The following FCHSD2 variants were observed in gnomAD, a reference collection of about 807,000 sequenced individuals.
FCHSD2 encodes the protein FCH and double SH3 domains 2.
FCHSD2 carries 38 observed loss-of-function variants against 108.1 expected under a neutral mutation model. That is an observed-to-expected ratio of 0.35 (90% CI 0.27 to 0.46). The LOEUF (loss-of-function observed/expected upper bound fraction) is 0.46. FCHSD2 is among the 20% of genes least tolerant of loss of function. FCHSD2 has a pLI of 1.00. For missense variants in FCHSD2, 751 were observed against 897.8 expected, an observed-to-expected ratio of 0.84 and a Z score of 2.09; for synonymous variants, 279 against 314.7, an observed-to-expected ratio of 0.89 and a Z score of 1.20.
chr11:72,963,795 G>A (rs1442245689), intron 8 of FCHSD2, among the ~76,000 whole-genome samples: 1 of 152,166 alleles, frequency 6.6e-6, no homozygotes, highest in African/African-American at 2.4e-5. Flanking sequence ...TGGAGCTCAG[G>A]CAGTAATGCT....
At chr11:72,941,680 T>C (rs902205824) in intron 8 of FCHSD2, among the ~76,000 whole-genome samples, 2 of 152,170 alleles carry the variant, frequency 1.3e-5, no homozygotes, top group South Asian at 2.1e-4. Context: ...TGTACGTTTG[T>C]TTAAATATAA....
chr11:72,982,225 C>T (rs1289734809), intron 8 of FCHSD2, among the ~76,000 whole-genome samples: 2 of 152,214 alleles, frequency 1.3e-5, no homozygotes, highest in African/African-American at 4.8e-5. Context: ...CTTCAACACT[C>T]TTGTTTTTGC....
At position 72,944,939 on chromosome 11, in the gene FCHSD2, T is replaced by A. The variant is rs183821478; in HGVS notation, c.706-22989A>T. Among the ~76,000 whole-genome samples the A allele has an allele frequency of 2.7e-3, 415 of 152,192 alleles. 2 individuals carry two copies. Among genetic ancestry groups the A allele is most frequent in the African/African-American group, 9.6e-3 (398 of 41,532 alleles). ...TGGAAGAACATTCCATGCTCACGGG[T>A]AGGAAGAATCAATATCGTGAAAATG... is the stretch of plus-strand genomic sequence containing the variant. On this transcript the variant is annotated intron_variant, in intron 8 of 19. Transcript: ENST00000409418.
rs952409315 is a variant in FCHSD2, at chr11:72,995,527, C to A, written c.387+5463G>T. 6.0e-5 allele frequency among the ~76,000 whole-genome samples: 9 copies of A among 150,822 alleles called. 1 individual carries two copies. The highest frequency in any genetic ancestry group is 2.1e-4 in the South Asian group (1 of 4,762). ...GACCACCCTGGGCAACATGGTGAAA[C>A]CTCATCTCTAAAAAAAAAGTACAAA... On this transcript the variant is annotated intron_variant, in intron 5 of 19. Coordinates refer to ENST00000409418, the MANE Select transcript of FCHSD2 (RefSeq NM_014824.3).
At chr11:73,038,051 T>C (rs1858541913) in intron 3 of FCHSD2, among the ~76,000 whole-genome samples, 1 of 152,232 alleles carries the variant, frequency 6.6e-6, no homozygotes, top group African/African-American at 2.4e-5. Context: ...GATGCTAAAA[T>C]AGTTTTCCAG....
At chr11:73,079,795 A>G (rs1320381824) in intron 3 of FCHSD2, among the ~76,000 whole-genome samples, 4 of 152,152 alleles carry the variant, frequency 2.6e-5, no homozygotes, top group African/African-American at 9.7e-5. Flanking sequence ...GGCAAATGTG[A>G]TAAGTAACAG....
intron 3 of FCHSD2, among the ~76,000 whole-genome samples, chr11:73,063,996 A>G (rs1859230113): frequency 6.6e-6 from 1 of 152,210 alleles, no homozygotes; most frequent in South Asian, 2.1e-4. Flanking sequence ...CACTCTTCTT[A>G]GCACCACATC....
intron 14 of FCHSD2, among the ~76,000 whole-genome samples, chr11:72,844,869 GT>G (rs1861076911): frequency 6.6e-6 from 1 of 152,098 alleles, no homozygotes; most frequent in African/African-American, 2.4e-5. Flanking sequence ...GATTCTGGAT[GT>G]TGCCATAGCT....
intron 10 of FCHSD2, chr11:72,900,330 T>C (rs1855501848): frequency 1.3e-6 from 2 of 1,537,990 alleles, no homozygotes; most frequent in Non-Finnish European, 8.8e-7. Flanking sequence ...TTTTAAACTC[T>C]GCCCAGTAAA....
Position 72,984,224 on chromosome 11 carries a change from A to G in FCHSD2, c.577-8T>C, listed in dbSNP as rs750579636. On this transcript the variant is annotated splice_region_variant and splice_polypyrimidine_tract_variant and intron_variant, in intron 7 of 19. Transcript: ENST00000409418. ...AGATCGCCGGGCTTTTAACTAAAACATAGCAAAATAAAATAATCAGTGCAA... is the reference window on the plus strand; with the variant it reads ...AGATCGCCGGGCTTTTAACTAAAACGTAGCAAAATAAAATAATCAGTGCAA... 6.2e-7 allele frequency: 1 copy of G among 1,613,664 alleles called. No individual in the cohort carries two copies. Among genetic ancestry groups the G allele is most frequent in the South Asian group, 1.1e-5 (1 of 91,074 alleles).
intron 8 of FCHSD2, among the ~76,000 whole-genome samples, chr11:72,953,398 T>C (rs182266336): frequency 7.2e-5 from 11 of 152,296 alleles, no homozygotes; most frequent in African/African-American, 2.2e-4. Flanking sequence ...ATTTGGAAAA[T>C]AAATTCTCTC....
chr11:72,893,765 C>G (rs1435579623), intron 10 of FCHSD2, among the ~76,000 whole-genome samples: 2 of 151,608 alleles, frequency 1.3e-5, no homozygotes, highest in Admixed American at 1.3e-4. Context: ...AAAAAAAACT[C>G]TAGTCCCTTT....
chr11:73,002,459 C>G (rs1439450664), intron 4 of FCHSD2, among the ~76,000 whole-genome samples: 1 of 152,170 alleles, frequency 6.6e-6, no homozygotes, highest in Non-Finnish European at 1.5e-5. Flanking sequence ...ACCAATGGAA[C>G]TTGCAATGTA....
intron 2 of FCHSD2, among the ~76,000 whole-genome samples, chr11:73,117,410 T>C (rs1423707801): frequency 1.3e-5 from 2 of 152,224 alleles, no homozygotes; most frequent in Non-Finnish European, 2.9e-5. Flanking sequence ...ATTAGGCTTT[T>C]AGGCATATTT....
Position 73,140,109 on chromosome 11 carries a change from A to G in FCHSD2, c.41T>C (p.Leu14Pro). ...PPRKVKVTQE[L>P]KNIQVEQMTK... is the part of the protein sequence containing the mutation. ...CATCTGCTCAACTTGAATGTTTTTC[A>G]GTTCTTGTGTAACTTTCACCTAAAA... is the stretch of plus-strand genomic sequence containing the variant. The change falls in exon 2 of 20, where the codon CTG (leucine) becomes CCG (proline). Residue 14 changes from leucine (L) to proline (P), a missense_variant. Transcript: ENST00000409418. The G allele has an allele frequency of 6.5e-7, 1 of 1,542,526 alleles. No individual in the cohort carries two copies. The highest frequency in any genetic ancestry group is 1.2e-5 in the South Asian group (1 of 82,152).
At chr11:72,879,900 G>A (rs1400646705) in intron 12 of FCHSD2, among the ~76,000 whole-genome samples, 1 of 151,094 alleles carries the variant, frequency 6.6e-6, no homozygotes, top group Admixed American at 6.6e-5. Flanking sequence ...TTGAGAGACT[G>A]AGGCCGAACA....
At chr11:72,880,543 T>C (rs900444988) in intron 12 of FCHSD2, among the ~76,000 whole-genome samples, 1 of 152,080 alleles carries the variant, frequency 6.6e-6, no homozygotes, top group Admixed American at 6.6e-5. Context: ...AATATCCACC[T>C]GCCAAAGAAT....
At chr11:72,954,516 T>C (rs1486425440) in intron 8 of FCHSD2, among the ~76,000 whole-genome samples, 1 of 152,000 alleles carries the variant, frequency 6.6e-6, no homozygotes, top group Non-Finnish European at 1.5e-5. Flanking sequence ...AAAAAATCAT[T>C]CTATTTAAAG....
Position 72,970,197 on chromosome 11 carries a change from A to G in FCHSD2, c.705+13891T>C, listed in dbSNP as rs140572677. Among the ~76,000 whole-genome samples the G allele has an allele frequency of 4.5e-3, 690 of 152,326 alleles. 9 individuals carry two copies. Among genetic ancestry groups the G allele is most frequent in the African/African-American group, 0.016 (664 of 41,570 alleles). ...GCTAAGAATGTTGAACAGATAATAC[A>G]TATACCACTTCCTTTCTTAACCCCA... On this transcript the variant is annotated intron_variant, in intron 8 of 19. Transcript: ENST00000409418.
Sources: gnomAD v4.1 joint callset for allele counts (sites outside exome capture counted in the v4.1 genomes callset) on GRCh38, gnomAD v4.1.1 for gene constraint, MANE v1.5 for transcripts, NCBI Gene and HGNC (gene_info 2026-07-23, HGNC 2026-07-21) for gene names.